The following CCDC50 variants were observed in gnomAD, a reference collection of about 807,000 sequenced individuals.
CCDC50 encodes the protein coiled-coil domain-containing protein 50.
CCDC50 carries 54 observed loss-of-function variants against 70.2 expected under a neutral mutation model. That is an observed-to-expected ratio of 0.77 (90% CI 0.62 to 0.96). The LOEUF (loss-of-function observed/expected upper bound fraction) is 0.96, where lower values mean the gene tolerates loss of function less well. Among genes scored for constraint, CCDC50 ranks in the 50% least tolerant of loss-of-function variants. CCDC50 has a pLI of 0.00. For synonymous variants in CCDC50, 216 were observed against 198.8 expected, an observed-to-expected ratio of 1.09 and a Z score of -0.73; for missense variants, 558 against 578.7, an observed-to-expected ratio of 0.96 and a Z score of 0.37.
chr3:191,356,988 G>T (rs548031964), intron 1 of CCDC50, 100 bp from the exon 2 acceptor site: 9 of 767,948 alleles, frequency 1.2e-5, no homozygotes, highest in South Asian at 1.0e-4. Flanking sequence ...TGAAATATTA[G>T]AATTGATTTT....
In CCDC50 at chr3:191,336,853, G is replaced by T. The variant is rs1396293069; in HGVS notation, c.49+7130G>T. Among the ~76,000 whole-genome samples the T allele has an allele frequency of 2.6e-5, 4 of 152,200 alleles. No individual in the cohort carries two copies. In the East Asian group the frequency reaches 7.7e-4, roughly 29 times the overall value. ...AGCTCATTTATCTGATAAAGAATGA[G>T]CAGTAATCCTCTCTAGTAATTCAAA... On this transcript the variant is annotated intron_variant, in intron 1 of 11. Coordinates refer to ENST00000392455, the MANE Select transcript of CCDC50 (RefSeq NM_178335.3).
intron 1 of CCDC50, among the ~76,000 whole-genome samples, chr3:191,330,799 G>C (rs2108624823): frequency 6.6e-6 from 1 of 152,258 alleles, no homozygotes; most frequent in Middle Eastern, 3.4e-3. Context: ...AGGAAAATGA[G>C]GGACTGCTTG....
At chr3:191,364,878 GTC>G (rs1245951624) in intron 4 of CCDC50, among the ~76,000 whole-genome samples, 1 of 151,600 alleles carries the variant, frequency 6.6e-6, no homozygotes, top group African/African-American at 2.4e-5. Context: ...TTGCTCTTCT[GTC>G]TCTGTTTATT....
At position 191,375,448 on chromosome 3, in the gene CCDC50, T is replaced by C. The variant is rs1202389995; in HGVS notation, c.835T>C (p.Ser279Pro). 14 of 1,613,452 alleles carry C rather than the reference T, an allele frequency of 8.7e-6. No homozygotes were observed. Among genetic ancestry groups the C allele is most frequent in the Non-Finnish European group, 1.2e-5 (14 of 1,179,736 alleles). The change falls in exon 6 of 12, where the codon TCC becomes CCC. Residue 279 changes from serine (S) to proline (P), a missense_variant. Ser to Pro is a moderately conservative substitution (Grantham distance 74, BLOSUM62 -1). Coordinates refer to ENST00000392455, the MANE Select transcript of CCDC50 (RefSeq NM_178335.3). ...SRHQDRLSPK[S>P]SQKAGLHCKE... The stretch of plus-strand genomic sequence containing the variant: ...ACACCAAGATCGACTTTCACCCAAG[T>C]CCTCACAAAAAGCAGGGCTTCACTG...
intron 1 of CCDC50, among the ~76,000 whole-genome samples, chr3:191,335,669 A>C (rs1234973857): frequency 6.6e-6 from 1 of 152,166 alleles, no homozygotes; most frequent in Admixed American, 6.5e-5. Context: ...TTTAGCCTAC[A>C]TTGAGAAAAA....
At chr3:191,381,649 C>G (rs1233261162) in intron 9 of CCDC50, among the ~76,000 whole-genome samples, 1 of 152,064 alleles carries the variant, frequency 6.6e-6, no homozygotes, top group Non-Finnish European at 1.5e-5. Context: ...GAGAGGAAGA[C>G]AAAGTGTAGA....
intron 1 of CCDC50, among the ~76,000 whole-genome samples, chr3:191,332,391 A>T (rs1718020048): frequency 6.6e-6 from 1 of 152,206 alleles, no homozygotes; most frequent in African/African-American, 2.4e-5. Context: ...TGTAGGTGAA[A>T]AGAATCAAGT....
At chr3:191,333,696 G>A (rs1718058868) in intron 1 of CCDC50, among the ~76,000 whole-genome samples, 1 of 151,772 alleles carries the variant, frequency 6.6e-6, no homozygotes, top group African/African-American at 2.4e-5. Flanking sequence ...ATAAATGAAT[G>A]AGTGAATGAA....
At chr3:191,370,183 C>A in intron 5 of CCDC50, 147 bp downstream of exon 5, 1 of 671,708 alleles carries the variant, frequency 1.5e-6, no homozygotes, top group South Asian at 1.5e-5. Flanking sequence ...TGGCAGGATT[C>A]TATTTGAATC....
At position 191,396,968 on chromosome 3, in the gene CCDC50, A is replaced by G. The variant is rs1713881022; in HGVS notation, c.*5208A>G. ...TACATTCTCAGCAAACTAGAAGAAAATGTTTTTTCTCTTTTTGAGTTAACT... is the reference window on the plus strand; with the variant it reads ...TACATTCTCAGCAAACTAGAAGAAAGTGTTTTTTCTCTTTTTGAGTTAACT... On this transcript the variant is annotated 3_prime_UTR_variant, in exon 12 of 12. Transcript: ENST00000392455. 6.6e-6 allele frequency: 1 copy of G among 152,228 alleles called. No homozygotes were observed. Among genetic ancestry groups the G allele is most frequent in the African/African-American group, 2.4e-5 (1 of 41,468 alleles). 9.4% of individuals were successfully genotyped at this position (152,228 alleles called of 1,614,324 possible). A position where few individuals can be genotyped will look rare whatever the true frequency, so the allele number is the denominator to read the frequency against.
intron 1 of CCDC50, among the ~76,000 whole-genome samples, chr3:191,347,757 T>TG (rs1239416225): frequency 2.8e-5 from 4 of 142,304 alleles, no homozygotes. Flanking sequence ...AATTTACTGT[T>TG]GTTTGAGGTA....
chr3:191,334,193 C>T (rs1463259186), intron 1 of CCDC50, among the ~76,000 whole-genome samples: 2 of 151,986 alleles, frequency 1.3e-5, no homozygotes, highest in African/African-American at 2.4e-5. Context: ...AAAAATTTTC[C>T]ATGGTACATG....
At chr3:191,360,524 G>T (rs1457114954) in intron 3 of CCDC50, among the ~76,000 whole-genome samples, 1 of 152,200 alleles carries the variant, frequency 6.6e-6, no homozygotes, top group Non-Finnish European at 1.5e-5. Flanking sequence ...CCGTGATTTT[G>T]TGTATGATTC....
intron 1 of CCDC50, chr3:191,330,348 AG>A: frequency 6.5e-6 from 1 of 152,972 alleles, no homozygotes; most frequent in Non-Finnish European, 1.5e-5. Context: ...CGAGGGGAAC[AG>A]GGGACTGATG....
At chr3:191,377,650 T>C (rs1405646516) in intron 6 of CCDC50, among the ~76,000 whole-genome samples, 1 of 152,136 alleles carries the variant, frequency 6.6e-6, no homozygotes. Context: ...ACAAATACTC[T>C]TACATGATAT....
chr3:191,378,639 C>G (rs1430611817), intron 6 of CCDC50, among the ~76,000 whole-genome samples: 6 of 152,058 alleles, frequency 3.9e-5, no homozygotes, highest in African/African-American at 1.4e-4. Flanking sequence ...TTCATTTTCT[C>G]TGAAATCTGC....
chr3:191,335,199 A>G (rs1171602572), intron 1 of CCDC50, among the ~76,000 whole-genome samples: 1 of 152,206 alleles, frequency 6.6e-6, no homozygotes, highest in African/African-American at 2.4e-5. Context: ...TATGGAGACC[A>G]CTAAACTTAA....
chr3:191,337,089 G>A (rs1267856535), intron 1 of CCDC50, among the ~76,000 whole-genome samples: 1 of 151,956 alleles, frequency 6.6e-6, no homozygotes, highest in African/African-American at 2.4e-5. Context: ...CTTACATACT[G>A]TAGAGGCAGA....
intron 4 of CCDC50, among the ~76,000 whole-genome samples, chr3:191,365,695 G>T (rs1171431427): frequency 6.6e-6 from 1 of 152,116 alleles, no homozygotes; most frequent in African/African-American, 2.4e-5. Flanking sequence ...TCATTTGACA[G>T]TCACATTTTA....
Sources: allele counts gnomAD v4.1 joint callset (sites outside exome capture counted in the v4.1 genomes callset), GRCh38; gene constraint gnomAD v4.1.1; transcripts MANE v1.5; gene names NCBI Gene and HGNC (gene_info 2026-07-23, HGNC 2026-07-21).